The following GABBR2 variants were observed in gnomAD, a reference collection of about 807,000 sequenced individuals.
The protein encoded by GABBR2 is G-protein coupled receptor 51.
GABBR2 carries 23 observed loss-of-function variants against 105.6 expected under a neutral mutation model. The observed-to-expected ratio is 0.22, with a 90% CI of 0.16 to 0.31. GABBR2 has a LOEUF of 0.31. GABBR2 is among the 10% of genes least tolerant of loss of function. GABBR2 has a pLI of 1.00. For missense variants in GABBR2, 734 were observed against 1,245.5 expected, an observed-to-expected ratio of 0.59 and a Z score of 6.18; for synonymous variants, 478 against 499.7, an observed-to-expected ratio of 0.96 and a Z score of 0.58.
intron 8 of GABBR2, among the ~76,000 whole-genome samples, chr9:98,401,245 C>G (rs1168206026): frequency 6.6e-6 from 1 of 152,176 alleles, no homozygotes; most frequent in East Asian, 1.9e-4. Flanking sequence ...GACTAAGCTT[C>G]TTTGCCTATC....
At position 98,306,023 on chromosome 9, in the gene GABBR2, A is replaced by T; in HGVS notation, c.2229+98T>A. On this transcript the variant is annotated intron_variant, in intron 15 of 18. Coordinates refer to ENST00000259455, the MANE Select transcript of GABBR2 (RefSeq NM_005458.8). This position sits in a 1 kb window ranked among gnomAD's most constrained non-coding sequence, Gnocchi z 5.4. ...AATTGTCTTCATCATAAAAAAAAAA[A>T]GGAATGGGTAAACCTTTTAGAGAAT... 5 of 742,206 alleles carry T rather than the reference A, an allele frequency of 6.7e-6. No individual in the cohort carries two copies. Among genetic ancestry groups the T allele is most frequent in the Non-Finnish European group, 1.1e-5 (5 of 448,802 alleles). The allele number at this position is 742,206 out of a possible 1,614,324, so 46.0% of individuals were successfully genotyped here. A position where few individuals can be genotyped will look rare whatever the true frequency, so the allele number is the denominator to read the frequency against.
intron 7 of GABBR2, among the ~76,000 whole-genome samples, chr9:98,452,634 G>A (rs1826252365): frequency 6.6e-6 from 1 of 152,114 alleles, no homozygotes; most frequent in Non-Finnish European, 1.5e-5. Context: ...ATACATTATT[G>A]AGTCTAACTA....
intron 13 of GABBR2, among the ~76,000 whole-genome samples, chr9:98,350,363 G>C (rs553062111): frequency 6.6e-6 from 1 of 151,954 alleles, no homozygotes; most frequent in Non-Finnish European, 1.5e-5. Context: ...CTTTTTTGAT[G>C]TGAGTGTTAA....
At position 98,388,619 on chromosome 9, in the gene GABBR2, C is replaced by CTGTGTGTGTGTGTGTGTGTGTG. The variant is rs113747643; in HGVS notation, c.1529+213_1529+234dup. 6.9e-6 allele frequency among the ~76,000 whole-genome samples: 1 copy of CTGTGTGTGTGTGTGTGTGTGTG among 144,468 alleles called. No individual in the cohort carries two copies. Among genetic ancestry groups the CTGTGTGTGTGTGTGTGTGTGTG allele is most frequent in the African/African-American group, 2.6e-5 (1 of 39,126 alleles). 94.8% of individuals were successfully genotyped at this position (144,468 alleles called of 152,430 possible). A position where few individuals can be genotyped will look rare whatever the true frequency, so the allele number is the denominator to read the frequency against. The stretch of plus-strand genomic sequence containing the variant: ...TCCTGTGCAACCAGCAGCCTGGCCT[C>CTGTGTGTGTGTGTGTGTGTGTG]TGTGTGTGTGTGTGTGTGTGTGTGT... On this transcript the variant is annotated intron_variant, in intron 10 of 18. Transcript: ENST00000259455. The surrounding 1 kb of genome is among the most constrained non-coding windows in gnomAD (Gnocchi z 4.4).
In GABBR2 at chr9:98,544,975, A is replaced by G. The variant is rs757242210; in HGVS notation, c.460-2932T>C. ...GCCTCCTATGCTCACCAGTGGGAGA[A>G]GGAGCTATTAGAAAAACCTGGGAGG... On this transcript the variant is annotated intron_variant, in intron 2 of 18. Transcript: ENST00000259455. Among the ~76,000 whole-genome samples, 7 of 152,348 alleles carry G rather than the reference A, an allele frequency of 4.6e-5. No homozygotes were observed. In the South Asian group the frequency reaches 1.5e-3, roughly 32 times the overall value.
chr9:98,651,027 T>A (rs536999511), intron 1 of GABBR2, among the ~76,000 whole-genome samples: 115 of 152,300 alleles, frequency 7.6e-4, no homozygotes, highest in Non-Finnish European at 1.4e-3. Context: ...AATGTGAATA[T>A]ACCTAATGCC....
chr9:98,695,047 C>T (rs1830731295), intron 1 of GABBR2, among the ~76,000 whole-genome samples: 3 of 152,236 alleles, frequency 2.0e-5, no homozygotes, highest in Admixed American at 1.3e-4. Flanking sequence ...TGGAACAATC[C>T]ATTCCTCACA....
At chr9:98,688,656 C>T (rs1830650185) in intron 1 of GABBR2, among the ~76,000 whole-genome samples, 1 of 152,136 alleles carries the variant, frequency 6.6e-6, no homozygotes, top group Non-Finnish European at 1.5e-5. Flanking sequence ...GTCCTGAAGG[C>T]CTTGCTCTAA....
chr9:98,684,791 C>T lies in GABBR2; in HGVS notation c.321+23626G>A, dbSNP rs567293122. Among the ~76,000 whole-genome samples, 6 of 152,298 alleles carry T rather than the reference C, an allele frequency of 3.9e-5. No individual in the cohort carries two copies. In the South Asian group the frequency reaches 8.3e-4, roughly 21 times the overall value. ...ACCCCGTCCAAAGCTTCTCTTATTA[C>T]GGATCTGTATTTCGTCAGCGCAATG... On this transcript the variant is annotated intron_variant, in intron 1 of 18. Transcript: ENST00000259455.
At chr9:98,493,477 T>C (rs1394782189) in intron 4 of GABBR2, among the ~76,000 whole-genome samples, 1 of 152,172 alleles carries the variant, frequency 6.6e-6, no homozygotes, top group African/African-American at 2.4e-5. Flanking sequence ...ACAACTGTTA[T>C]CCTTTATCTC....
intron 3 of GABBR2, among the ~76,000 whole-genome samples, chr9:98,528,351 G>A (rs1828000684): frequency 6.6e-6 from 1 of 151,918 alleles, no homozygotes; most frequent in Non-Finnish European, 1.5e-5. Context: ...ATAAAGTGAA[G>A]AATGAAGTAA....
intron 7 of GABBR2, among the ~76,000 whole-genome samples, chr9:98,412,311 G>A (rs1470966369): frequency 2.0e-5 from 3 of 152,252 alleles, no homozygotes; most frequent in Non-Finnish European, 2.9e-5. Flanking sequence ...GACAGTCTCT[G>A]CAGATCACAG....
intron 1 of GABBR2, among the ~76,000 whole-genome samples, chr9:98,698,647 G>A (rs749527836): frequency 2.0e-4 from 31 of 151,904 alleles, no homozygotes; most frequent in Non-Finnish European, 4.0e-4. Flanking sequence ...TTACAGGTGC[G>A]TGCCACCACA....
chr9:98,384,212 T>C (rs1022993171), intron 11 of GABBR2, among the ~76,000 whole-genome samples: 2 of 152,246 alleles, frequency 1.3e-5, no homozygotes, highest in African/African-American at 2.4e-5. Flanking sequence ...GGACAGATCA[T>C]AGTCAATGTC....
At chr9:98,595,441 G>A (rs1016103830) in intron 1 of GABBR2, among the ~76,000 whole-genome samples, 2 of 150,828 alleles carry the variant, frequency 1.3e-5, no homozygotes, top group African/African-American at 4.9e-5. Context: ...AGCAGAGAGT[G>A]TGGGGCCTAG....
intron 9 of GABBR2, among the ~76,000 whole-genome samples, chr9:98,392,141 G>C (rs1310440507): frequency 6.6e-6 from 1 of 152,156 alleles, no homozygotes; most frequent in East Asian, 1.9e-4. Flanking sequence ...CTCTCAGCCT[G>C]GGGGCAGAGC....
At chr9:98,309,828 G>A (rs1830608939) in intron 14 of GABBR2, among the ~76,000 whole-genome samples, 1 of 152,210 alleles carries the variant, frequency 6.6e-6, no homozygotes, top group African/African-American at 2.4e-5. Flanking sequence ...CCATAAAAGG[G>A]TGTCAACTGG....
At chr9:98,447,537 A>ATG (rs58069151) in intron 7 of GABBR2, among the ~76,000 whole-genome samples, 12,970 of 142,328 alleles carry the variant, frequency 0.091, 975 homozygotes, top group African/African-American at 0.2. Flanking sequence ...ACTAGTATGT[A>ATG]TGTGTGTGTG....
At chr9:98,330,866 C>T (rs1296280644) in intron 13 of GABBR2, among the ~76,000 whole-genome samples, 1 of 152,106 alleles carries the variant, frequency 6.6e-6, no homozygotes, top group Admixed American at 6.5e-5. Context: ...GTTTTCATCA[C>T]CCCCAAAAGA....
Sources: allele counts gnomAD v4.1 joint callset (sites outside exome capture counted in the v4.1 genomes callset), GRCh38; gene constraint gnomAD v4.1.1; non-coding constraint Gnocchi (gnomAD v3.1); transcripts MANE v1.5; gene names NCBI Gene and HGNC (gene_info 2026-07-23, HGNC 2026-07-21).